Variants in ACSS1 observed in about 807,000 individuals in gnomAD.
ACSS1 encodes acetyl-coenzyme A synthetase 2-like, mitochondrial.
ACSS1 carries 42 observed loss-of-function variants against 75.3 expected under a neutral mutation model. That is an observed-to-expected ratio of 0.56 (90% CI 0.44 to 0.72). The LOEUF (loss-of-function observed/expected upper bound fraction) is 0.72, where lower values mean the gene tolerates loss of function less well. ACSS1 is among the 30% of genes least tolerant of loss of function. ACSS1 has a pLI of 0.00. For synonymous variants in ACSS1, 380 were observed against 376.8 expected, an observed-to-expected ratio of 1.01 and a Z score of -0.10; for missense variants, 782 against 935.7, an observed-to-expected ratio of 0.84 and a Z score of 2.14.
At chr20:25,009,895 CAGCACCATG>C (rs1442089033) in intron 12 of ACSS1, 1 of 155,282 alleles carries the variant, frequency 6.4e-6, no homozygotes, top group Non-Finnish European at 1.4e-5. Context: ...AAGTGCCATT[CAGCACCATG>C]AGCAGCCAGA....
intron 3 of ACSS1, among the ~76,000 whole-genome samples, chr20:25,028,924 GA>G (rs886250124): frequency 3.6e-4 from 51 of 141,320 alleles, no homozygotes; most frequent in Middle Eastern, 3.5e-3. Flanking sequence ...ATCTCAAAAA[GA>G]AAAAAAAAAG....
chr20:25,049,525 G>A (rs574724503), intron 1 of ACSS1, among the ~76,000 whole-genome samples: 1 of 152,326 alleles, frequency 6.6e-6, no homozygotes, highest in African/African-American at 2.4e-5. Flanking sequence ...GGAGACAGAT[G>A]CAAACGTAAG....
intron 2 of ACSS1, among the ~76,000 whole-genome samples, chr20:25,040,705 C>G (rs1464982145): frequency 6.6e-6 from 1 of 152,194 alleles, no homozygotes; most frequent in Non-Finnish European, 1.5e-5. Context: ...CACACAACTG[C>G]TCCACGGAGC....
chr20:25,053,628 G>T (rs368789737), intron 1 of ACSS1, among the ~76,000 whole-genome samples: 3 of 152,020 alleles, frequency 2.0e-5, no homozygotes, highest in East Asian at 3.9e-4. Context: ...AAGCACAGGC[G>T]CACAGCGTCT....
chr20:25,057,258 C>T (rs1389317675), intron 1 of ACSS1, among the ~76,000 whole-genome samples: 1 of 152,208 alleles, frequency 6.6e-6, no homozygotes, highest in Non-Finnish European at 1.5e-5. Context: ...CCAGGTCGCC[C>T]GCCACAGCTC....
chr20:25,028,828 G>A (rs2088773829), intron 3 of ACSS1, among the ~76,000 whole-genome samples: 1 of 152,064 alleles, frequency 6.6e-6, no homozygotes, highest in Admixed American at 6.5e-5. Flanking sequence ...GCTGAGGTAG[G>A]AGAATCACTT....
At chr20:25,054,839 G>T (rs1568852674) in intron 1 of ACSS1, among the ~76,000 whole-genome samples, 1 of 152,228 alleles carries the variant, frequency 6.6e-6, no homozygotes, top group South Asian at 2.1e-4. Context: ...CTAAAGTGCG[G>T]TGTCACCAAA....
chr20:25,032,343 G>A, intron 2 of ACSS1: 1 of 1,321,778 alleles, frequency 7.6e-7, no homozygotes, highest in Non-Finnish European at 9.7e-7. Flanking sequence ...GGGAAAACTG[G>A]GAGCAGGCGA....
At chr20:25,036,524 G>C (rs1174218434) in intron 2 of ACSS1, among the ~76,000 whole-genome samples, 1 of 151,564 alleles carries the variant, frequency 6.6e-6, no homozygotes, top group African/African-American at 2.4e-5. Flanking sequence ...AAATACACTG[G>C]TATTTATTTT....
intron 9 of ACSS1, 58 bp from the exon 10 acceptor site, chr20:25,013,720 A>T: frequency 6.4e-7 from 1 of 1,552,538 alleles, no homozygotes; most frequent in Non-Finnish European, 8.7e-7. Context: ...AAGTGTGCCA[A>T]AAAATGACAA....
At chr20:25,045,375 G>A (rs576755094) in intron 2 of ACSS1, among the ~76,000 whole-genome samples, 53 of 152,302 alleles carry the variant, frequency 3.5e-4, no homozygotes, top group African/African-American at 1.1e-3. Context: ...ATGGGCACCC[G>A]TCCCAGGGCT....
chr20:25,031,701 C>T (rs945635547), intron 2 of ACSS1, among the ~76,000 whole-genome samples: 2 of 152,212 alleles, frequency 1.3e-5, no homozygotes, highest in African/African-American at 4.8e-5. Context: ...TCCTTCCCGG[C>T]ATGATCCAAG....
At chr20:25,015,083 C>T in intron 8 of ACSS1, 55 bp downstream of exon 8, 3 of 1,515,524 alleles carry the variant, frequency 2.0e-6, no homozygotes, top group Non-Finnish European at 1.8e-6. Context: ...CAGCCTCACA[C>T]CTGACCCTGC....
intron 3 of ACSS1, 24 bp downstream of exon 3, chr20:25,030,735 C>A: frequency 6.2e-7 from 1 of 1,612,920 alleles, no homozygotes; most frequent in Non-Finnish European, 8.5e-7. Flanking sequence ...CAGGGTTCCT[C>A]CCTCCCCATG....
chr20:25,047,242 C>T (rs917941865), intron 2 of ACSS1, among the ~76,000 whole-genome samples: 16 of 152,294 alleles, frequency 1.1e-4, no homozygotes, highest in Admixed American at 3.9e-4. Flanking sequence ...TCGGAATGCT[C>T]CTCCTCCACG....
chr20:25,032,555 A>T, intron 2 of ACSS1: 1 of 1,249,878 alleles, frequency 8.0e-7, no homozygotes, highest in Non-Finnish European at 1.0e-6. Context: ...GGGGAAGCCA[A>T]GGCCCTTTCT....
At chr20:25,030,732 C>T in intron 3 of ACSS1, 27 bp downstream of exon 3, 1 of 1,612,490 alleles carries the variant, frequency 6.2e-7, no homozygotes, top group South Asian at 1.1e-5. Context: ...CTCCAGGGTT[C>T]CTCCCTCCCC....
intron 3 of ACSS1, among the ~76,000 whole-genome samples, chr20:25,026,427 G>A (rs1222869091): frequency 2.0e-5 from 3 of 152,264 alleles, no homozygotes; most frequent in African/African-American, 7.2e-5. Flanking sequence ...GGAGCCATGT[G>A]CTGCCATGTG....
In ACSS1 at chr20:25,014,006, C is replaced by T. The variant is rs754032909; in HGVS notation, c.1407G>A (p.Ala469=). 10 of 1,613,856 alleles carry T rather than the reference C, an allele frequency of 6.2e-6. No homozygotes were observed. Among genetic ancestry groups the T allele is most frequent in the South Asian group, 1.1e-5 (1 of 91,030 alleles). The change falls in exon 9 of 14, where the codon GCG becomes GCA. Residue 469 remains alanine, a synonymous_variant. Transcript: ENST00000323482. ...EEGAEILPAM[A]MRPFFGIVPV... ...GGACGATGCCAAAGAAGGGCCTCAT[C>T]GCCATGGCAGGGAGGATTTCCGCCC... is the stretch of plus-strand genomic sequence containing the variant.
Sources: allele counts gnomAD v4.1 joint callset (sites outside exome capture counted in the v4.1 genomes callset), GRCh38; gene constraint gnomAD v4.1.1; transcripts MANE v1.5; gene names NCBI Gene and HGNC (gene_info 2026-07-23, HGNC 2026-07-21).